The following PRPF38B variants were observed in gnomAD, a reference collection of about 807,000 sequenced individuals.
The protein encoded by PRPF38B is pre-mRNA processing factor 38B.
A neutral mutation model predicts 67.2 loss-of-function variants in PRPF38B; 18 were observed. That is an observed-to-expected ratio of 0.27 (90% CI 0.19 to 0.40). The LOEUF (loss-of-function observed/expected upper bound fraction) is 0.40, where lower values mean the gene tolerates loss of function less well. PRPF38B is among the 10% of genes least tolerant of loss of function. The pLI, the probability that PRPF38B is intolerant of heterozygous loss-of-function variation, is 1.00. For synonymous variants in PRPF38B, 246 were observed against 234.2 expected (o/e 1.05, Z -0.46); for missense variants, 544 against 684.9 (o/e 0.79, Z 2.30).
chr1:108,692,746 A>G lies in PRPF38B; in HGVS notation c.155A>G (p.Asn52Ser). 6.2e-7 allele frequency: 1 copy of G among 1,614,042 alleles called. No individual in the cohort carries two copies. Among genetic ancestry groups the G allele is most frequent in the Non-Finnish European group, 8.5e-7 (1 of 1,180,044 alleles). Residue 52 changes from asparagine to serine, a missense_variant, in exon 1 of 6, where the codon AAC (asparagine) becomes AGC (serine). This residue lies in a region of PRPF38B where 26 missense variants were observed against 67.7 expected (regional missense o/e 0.38). Transcript: ENST00000370025. ...GGCAATGTGCTCCCGCTCTGGGGCA[A>G]CGAGAAGACCATGAACCTCAACCCC... ...KQGNVLPLWG[N>S]EKTMNLNPMI...
Position 108,696,081 on chromosome 1 carries a change from A to C in PRPF38B, c.384A>C (p.Ala128=). The C allele has an allele frequency of 6.2e-7, 1 of 1,613,998 alleles. No homozygotes were observed. The highest frequency in any genetic ancestry group is 8.5e-7 in the Non-Finnish European group (1 of 1,179,944). Reference sequence around the variant, plus strand: ...GAACAGGAGGAATTGTTTCTACAGCATTTTGCCTGTTATACAAATTATTTA... The same window carrying C: ...GAACAGGAGGAATTGTTTCTACAGCCTTTTGCCTGTTATACAAATTATTTA... ...GVGTGGIVST[A]FCLLYKLFTL... The change falls in exon 3 of 6, where the codon GCA becomes GCC. Residue 128 remains alanine, a synonymous_variant. Coordinates refer to ENST00000370025, the MANE Select transcript of PRPF38B (RefSeq NM_018061.4).
intron 1 of PRPF38B, among the ~76,000 whole-genome samples, chr1:108,693,144 A>T (rs900519620): frequency 6.6e-6 from 1 of 152,146 alleles, no homozygotes; most frequent in African/African-American, 2.4e-5. Flanking sequence ...GGCAAGAGGG[A>T]TGGGGGAGAG....
chr1:108,697,735 T>A (rs1479488189), intron 4 of PRPF38B: 1 of 152,214 alleles, frequency 6.6e-6, no homozygotes. Flanking sequence ...TCTGGATGCC[T>A]CTATTTTATG....
In PRPF38B at chr1:108,699,150, C is replaced by T. The variant is rs768845569; in HGVS notation, c.783-12C>T. On this transcript the variant is annotated splice_polypyrimidine_tract_variant and intron_variant, in intron 5 of 5. Transcript: ENST00000370025. Reference sequence around the variant, plus strand: ...TTCATTGAAATTTTCTTTCTCCCTCCGCCTTCCTTAGGTCTCCAAGGAGAT... The same window carrying T: ...TTCATTGAAATTTTCTTTCTCCCTCTGCCTTCCTTAGGTCTCCAAGGAGAT... 7.0e-6 allele frequency: 11 copies of T among 1,572,242 alleles called. No homozygotes were observed. The highest frequency in any genetic ancestry group is 1.2e-5 in the South Asian group (1 of 85,062).
At chr1:108,695,628 G>C in intron 1 of PRPF38B, 74 bp from the exon 2 acceptor site, 1 of 1,437,572 alleles carries the variant, frequency 7.0e-7, no homozygotes, top group Non-Finnish European at 9.7e-7. Context: ...TTATGGACTT[G>C]GGTTTACTTT....
At position 108,700,149 on chromosome 1, in the gene PRPF38B, CT is replaced by C; in HGVS notation, c.*132del. ...CCTGTAGGCTGCATTTTCATTTCCT[CT>C]TTCGTGTAGGGAAGTGCCTTTGTAA... On this transcript the variant is annotated 3_prime_UTR_variant, in exon 6 of 6. Coordinates refer to ENST00000370025, the MANE Select transcript of PRPF38B (RefSeq NM_018061.4). The C allele has an allele frequency of 7.2e-7, 1 of 1,397,320 alleles. No individual in the cohort carries two copies. The highest frequency in any genetic ancestry group is 1.7e-5 in the South Asian group (1 of 59,346). 86.6% of individuals were successfully genotyped at this position (1,397,320 alleles called of 1,614,324 possible).
rs1660289332 is a variant in PRPF38B, at chr1:108,699,877, CGTA to C, written c.1503_1505del (p.Ser501del). 19 of 1,613,802 alleles carry C rather than the reference CGTA, an allele frequency of 1.2e-5. No individual in the cohort carries two copies. Among genetic ancestry groups the C allele is most frequent in the Non-Finnish European group, 1.5e-5 (18 of 1,179,984 alleles). ...TCCCAGCAAAGAAAAATCTAGAAAG[CGTA>C]GTAGAAGCAAAGAACGTTCCCACAA... On this transcript the variant is annotated inframe_deletion, in exon 6 of 6. Transcript: ENST00000370025.
chr1:108,698,885 G>C (rs1258970138), intron 5 of PRPF38B, 58 bp downstream of exon 5: 1 of 1,453,262 alleles, frequency 6.9e-7, no homozygotes, highest in Non-Finnish European at 9.3e-7. Context: ...AAAATTAATG[G>C]TTCTGAGAAA....
intron 1 of PRPF38B, among the ~76,000 whole-genome samples, chr1:108,693,394 G>A (rs555747254): frequency 7.8e-4 from 119 of 152,174 alleles, no homozygotes; most frequent in African/African-American, 2.8e-3. Flanking sequence ...CATTTCAAGA[G>A]GTGTACAGAA....
intron 1 of PRPF38B, chr1:108,693,751 C>A: frequency 7.9e-6 from 4 of 503,998 alleles, no homozygotes; most frequent in Non-Finnish European, 1.0e-5. Context: ...GGTCCTTCAC[C>A]AATTAGGTAG....
chr1:108,692,448 C>A lies in PRPF38B; in HGVS notation c.-144C>A. The A allele has an allele frequency of 9.8e-7, 1 of 1,018,970 alleles. No homozygotes were observed. The highest frequency in any genetic ancestry group is 1.4e-6 in the Non-Finnish European group (1 of 720,888). 63.1% of individuals were successfully genotyped at this position (1,018,970 alleles called of 1,614,324 possible). A position where few individuals can be genotyped will look rare whatever the true frequency, so the allele number is the denominator to read the frequency against. The stretch of plus-strand genomic sequence containing the variant: ...ATTTTGTCGGCGTCGGGTGCCCTCT[C>A]TTGCCCAGCTGGGGCACAGCGAGGC... On this transcript the variant is annotated 5_prime_UTR_variant, in exon 1 of 6. Transcript: ENST00000370025.
intron 4 of PRPF38B, chr1:108,698,343 G>A: frequency 2.7e-6 from 1 of 374,156 alleles, no homozygotes; most frequent in Non-Finnish European, 4.8e-6. Context: ...GTTTAGAAAT[G>A]TAAGGGGCTT....
Position 108,692,617 on chromosome 1 carries a change from C to T in PRPF38B, c.26C>T (p.Thr9Ile). Reference sequence around the variant, plus strand: ...ATGGCTAACAACAGCCCCGCGCTGACAGGCAACTCGCAGCCGCAGCACCAG... The same window carrying T: ...ATGGCTAACAACAGCCCCGCGCTGATAGGCAACTCGCAGCCGCAGCACCAG... Reference protein sequence around the residue: MANNSPALTGNSQPQHQAA... With the variant: MANNSPALIGNSQPQHQAA... The change falls in exon 1 of 6, where the codon ACA becomes ATA. Residue 9 changes from threonine (T) to isoleucine (I), a missense_variant. Physicochemically the swap from Thr to Ile is moderately conservative, Grantham distance 89. Coordinates refer to ENST00000370025, the MANE Select transcript of PRPF38B (RefSeq NM_018061.4). The T allele has an allele frequency of 6.2e-7, 1 of 1,605,340 alleles. No homozygotes were observed. The highest frequency in any genetic ancestry group is 8.5e-7 in the Non-Finnish European group (1 of 1,176,446).
chr1:108,698,598 C>A lies in PRPF38B; in HGVS notation c.559-6C>A. 1 of 1,585,720 alleles carries A rather than the reference C, an allele frequency of 6.3e-7. No homozygotes were observed. The highest frequency in any genetic ancestry group is 8.6e-7 in the Non-Finnish European group (1 of 1,158,440). ...GACGGCTAGGGTATCTTTTGTGTTTCTGTAGGACCTAGATGTGAAGGCTGG... is the reference window on the plus strand; with the variant it reads ...GACGGCTAGGGTATCTTTTGTGTTTATGTAGGACCTAGATGTGAAGGCTGG... On this transcript the variant is annotated splice_region_variant and splice_polypyrimidine_tract_variant and intron_variant, in intron 4 of 5. Coordinates refer to ENST00000370025, the MANE Select transcript of PRPF38B (RefSeq NM_018061.4).
At chr1:108,695,943 T>C (rs1443043212) in intron 2 of PRPF38B, 100 bp from the exon 3 acceptor site, 2 of 1,404,104 alleles carry the variant, frequency 1.4e-6, no homozygotes, top group African/African-American at 2.9e-5. Context: ...TCCTTAGTTC[T>C]GGATTATGGA....
In PRPF38B at chr1:108,700,494, C is replaced by T. The variant is rs1409815642; in HGVS notation, c.*474C>T. ...TCTATTATAGGAGAAGTATGTGCTG[C>T]CAATGTACAAGAAGGCAGCATTGTA... On this transcript the variant is annotated 3_prime_UTR_variant, in exon 6 of 6. Coordinates refer to ENST00000370025, the MANE Select transcript of PRPF38B (RefSeq NM_018061.4). 6.5e-6 allele frequency: 1 copy of T among 154,298 alleles called. No individual in the cohort carries two copies. The highest frequency in any genetic ancestry group is 1.4e-5 in the Non-Finnish European group (1 of 69,216). The allele number at this position is 154,298 out of a possible 1,614,324, so 9.6% of individuals were successfully genotyped here. A position where few individuals can be genotyped will look rare whatever the true frequency, so the allele number is the denominator to read the frequency against.
At position 108,700,741 on chromosome 1, in the gene PRPF38B, G is replaced by GA. The variant is rs1411853632; in HGVS notation, c.*727dup. The GA allele has an allele frequency of 6.6e-6, 1 of 152,246 alleles. No individual in the cohort carries two copies. Among genetic ancestry groups the GA allele is most frequent in the Non-Finnish European group, 1.5e-5 (1 of 67,946 alleles). 9.4% of individuals were successfully genotyped at this position (152,246 alleles called of 1,614,324 possible). The stretch of plus-strand genomic sequence containing the variant: ...TTCACTTAGTTTTCCTTTTTTATTT[G>GA]AAAAAATACATGACATGTAATCTTT... On this transcript the variant is annotated 3_prime_UTR_variant, in exon 6 of 6. Transcript: ENST00000370025.
chr1:108,695,450 C>G (rs1659775794), intron 1 of PRPF38B, among the ~76,000 whole-genome samples: 1 of 152,128 alleles, frequency 6.6e-6, no homozygotes, highest in Non-Finnish European at 1.5e-5. Context: ...CTTTATAAAG[C>G]TAGTTGAGTG....
chr1:108,696,000 G>A lies in PRPF38B; in HGVS notation c.346-43G>A, dbSNP rs752168102. Reference sequence around the variant, plus strand: ...ATTAATCAATTGGTGTTAAGAGTCCGTTAATTATTTTACTACTTTTTCTTA... The same window carrying A: ...ATTAATCAATTGGTGTTAAGAGTCCATTAATTATTTTACTACTTTTTCTTA... On this transcript the variant is annotated intron_variant, in intron 2 of 5. Transcript: ENST00000370025. The A allele has an allele frequency of 4.2e-5, 67 of 1,587,458 alleles. No homozygotes were observed. In the South Asian group the frequency reaches 4.3e-4, roughly 10 times the overall value.
Sources: gnomAD v4.1 joint callset for allele counts (sites outside exome capture counted in the v4.1 genomes callset) on GRCh38, gnomAD v4.1.1 for gene constraint, gnomAD v4.1.1 regional missense constraint, MANE v1.5 for transcripts, NCBI Gene and HGNC (gene_info 2026-07-23, HGNC 2026-07-21) for gene names.